The following PARVG variants were observed in gnomAD, a reference collection of about 807,000 sequenced individuals.
The protein encoded by PARVG is parvin gamma.
Under a neutral mutation model 44.4 loss-of-function variants are expected in PARVG, and 36 were observed. The observed-to-expected ratio is 0.81, with a 90% CI of 0.62 to 1.07. The LOEUF (loss-of-function observed/expected upper bound fraction) is 1.07, where lower values mean the gene tolerates loss of function less well. Ranked by LOEUF, PARVG falls within the 50% of genes least tolerant of loss-of-function variation. PARVG has a pLI of 0.00. For synonymous variants in PARVG, 170 were observed against 174.1 expected (o/e 0.98, Z 0.19); for missense variants, 407 against 407.4 (o/e 1.00, Z 0.01).
intron 4 of PARVG, 100 bp downstream of exon 4, chr22:44,185,972 G>A (rs757981412): frequency 7.4e-6 from 9 of 1,219,144 alleles, no homozygotes; most frequent in Admixed American, 2.2e-5. Flanking sequence ...CCACTCCTTG[G>A]CCTCAGGCTG....
At chr22:44,199,282 C>G (rs1429382446) in intron 12 of PARVG, among the ~76,000 whole-genome samples, 1 of 152,078 alleles carries the variant, frequency 6.6e-6, no homozygotes, top group African/African-American at 2.4e-5. Flanking sequence ...TCTGTCCATC[C>G]ATTCATTCAT....
rs749174043 is a variant in PARVG, at chr22:44,190,565, G to T, written c.403G>T (p.Asp135Tyr). The change falls in exon 7 of 14, where the codon GAC becomes TAC. Residue 135 changes from aspartate to tyrosine, a missense_variant. Coordinates refer to ENST00000444313, the MANE Select transcript of PARVG (RefSeq NM_022141.7). ...KWSVESIFNK[D>Y]LLSTLHLLVA... is the part of the protein sequence containing the mutation. ...TCTCTTCCCAGGCATCTTCAACAAG[G>T]ACCTGTTGTCTACCCTGCACCTCCT... 1.2e-6 allele frequency: 2 copies of T among 1,613,970 alleles called. No homozygotes were observed. Among genetic ancestry groups the T allele is most frequent in the East Asian group, 4.5e-5 (2 of 44,888 alleles).
chr22:44,200,610 G>A (rs1014026576), intron 12 of PARVG, among the ~76,000 whole-genome samples: 6 of 152,206 alleles, frequency 3.9e-5, no homozygotes, highest in East Asian at 3.9e-4. Flanking sequence ...CAGGGTTCCC[G>A]TGGCCTGGGG....
At chr22:44,192,011 C>G in intron 7 of PARVG, 38 bp from the exon 8 acceptor site, 1 of 1,610,416 alleles carries the variant, frequency 6.2e-7, no homozygotes, top group Non-Finnish European at 8.5e-7. Flanking sequence ...CCAGAGTTTT[C>G]TGGATTATTT....
At chr22:44,198,752 T>G in intron 12 of PARVG, 30 bp downstream of exon 12, 1 of 1,524,462 alleles carries the variant, frequency 6.6e-7, no homozygotes, top group South Asian at 1.1e-5. Flanking sequence ...TTCTTTATGG[T>G]CTACCTCTAG....
upstream of PARVG, among the ~76,000 whole-genome samples, chr22:44,179,785 C>T (rs1336020483): frequency 1.3e-5 from 2 of 152,182 alleles, no homozygotes; most frequent in African/African-American, 4.8e-5. The surrounding 1 kb of genome is among the most constrained non-coding windows in gnomAD (Gnocchi z 4.2). Flanking sequence ...TGATTAGAGT[C>T]TCTTCAGTTG....
chr22:44,196,415 G>C lies in PARVG; in HGVS notation c.711G>C (p.Gln237His). 6.2e-7 allele frequency: 1 copy of C among 1,614,172 alleles called. No homozygotes were observed. The highest frequency in any genetic ancestry group is 8.5e-7 in the Non-Finnish European group (1 of 1,180,040). ...LGLSVQNLDT[Q>H]FADGVILLLL... ...TGTCTGTGCAGAATCTGGACACCCAGGTAGGGACTGAGCTGCGGCGTCCCC... is the reference window on the plus strand; with the variant it reads ...TGTCTGTGCAGAATCTGGACACCCACGTAGGGACTGAGCTGCGGCGTCCCC... Residue 237 changes from glutamine (Q) to histidine (H), a missense_variant and splice_region_variant, in exon 11 of 14, where the codon CAG (glutamine) becomes CAC (histidine). By Grantham distance (24) the Gln-to-His change is conservative. Transcript: ENST00000444313.
chr22:44,191,388 A>ATTTTTTTTTTTTTTTTTTTTTTTT, intron 7 of PARVG, among the ~76,000 whole-genome samples: 1 of 63,470 alleles, frequency 1.6e-5, no homozygotes, highest in Non-Finnish European at 2.8e-5. Context: ...AGTCATTTCT[A>ATTTTTTTTTTTTTTTTTTTTTTTT]TTTTTTTTTT....
intron 6 of PARVG, 38 bp from the exon 7 acceptor site, chr22:44,190,513 G>A: frequency 6.5e-7 from 1 of 1,534,864 alleles, no homozygotes; most frequent in Non-Finnish European, 9.0e-7. Flanking sequence ...CGTTTTGGCG[G>A]CCTCCTGGGC....
Position 44,196,378 on chromosome 22 carries a change from AC to A in PARVG, c.676del (p.Arg226AlafsTer22). On this transcript the variant is annotated frameshift_variant, in exon 11 of 14. Coordinates refer to ENST00000444313, the MANE Select transcript of PARVG (RefSeq NM_022141.7). LOFTEE classifies it high-confidence loss of function. The stretch of plus-strand genomic sequence containing the variant: ...GTGAACTTTGTCAACCAGAAGCTGG[AC>A]CGCCTGGGCCTGTCTGTGCAGAATC... ...AIVNFVNQKL[D>X]RLGLSVQNLD... is the part of the protein sequence containing the mutation. 1 of 1,614,156 alleles carries A rather than the reference AC, an allele frequency of 6.2e-7. No individual in the cohort carries two copies. The highest frequency in any genetic ancestry group is 8.5e-7 in the Non-Finnish European group (1 of 1,180,018).
At chr22:44,199,969 T>G (rs900108770) in intron 12 of PARVG, among the ~76,000 whole-genome samples, 12 of 152,174 alleles carry the variant, frequency 7.9e-5, no homozygotes, top group Non-Finnish European at 1.5e-4. Flanking sequence ...TGGCTTGACC[T>G]GGGGAAGAGG....
At chr22:44,185,633 T>C (rs2054453460) in intron 3 of PARVG, 175 bp from the exon 4 acceptor site, 1 of 566,784 alleles carries the variant, frequency 1.8e-6, no homozygotes, top group Non-Finnish European at 3.2e-6. Flanking sequence ...AATGCTGCAG[T>C]GTCTGAGGAT....
chr22:44,181,346 G>A, intron 1 of PARVG, 161 bp downstream of exon 1: 1 of 985,492 alleles, frequency 1.0e-6, no homozygotes. Flanking sequence ...AGGGGGCGTG[G>A]GGAAGTCTGC....
At chr22:44,190,053 T>C (rs530891448) in intron 6 of PARVG, among the ~76,000 whole-genome samples, 76 of 152,304 alleles carry the variant, frequency 5.0e-4, no homozygotes, top group African/African-American at 1.8e-3. Flanking sequence ...AAACTGAGGC[T>C]GAAAGAAATT....
chr22:44,201,441 G>A (rs1216239849), intron 12 of PARVG, among the ~76,000 whole-genome samples: 5 of 152,136 alleles, frequency 3.3e-5, no homozygotes, highest in Middle Eastern at 3.4e-3. Context: ...TCGCCCCCAC[G>A]GGGATGCATC....
At position 44,198,732 on chromosome 22, in the gene PARVG, C is replaced by T. The variant is rs758609715; in HGVS notation, c.813+10C>T. ...CTCTCCTGCAGAAATGGTAAGTTTT[C>T]CAAGGATTTTTCTTTATGGTCTACC... On this transcript the variant is annotated intron_variant, in intron 12 of 13. Coordinates refer to ENST00000444313, the MANE Select transcript of PARVG (RefSeq NM_022141.7). 6.3e-7 allele frequency: 1 copy of T among 1,592,276 alleles called. No homozygotes were observed. The highest frequency in any genetic ancestry group is 1.1e-5 in the South Asian group (1 of 90,674).
chr22:44,183,477 C>A, intron 3 of PARVG, 69 bp downstream of exon 3: 1 of 1,417,630 alleles, frequency 7.1e-7, no homozygotes, highest in Non-Finnish European at 9.4e-7. Flanking sequence ...CTGGCCATGC[C>A]TGGGACTTGC....
upstream of PARVG, among the ~76,000 whole-genome samples, chr22:44,176,481 C>T (rs953774317): frequency 6.6e-6 from 1 of 152,060 alleles, no homozygotes. Context: ...GCCAACTGTA[C>T]TCAAGGAATG....
chr22:44,175,548 C>A (rs1365843189), intron 1 of PARVG, among the ~76,000 whole-genome samples: 1 of 152,238 alleles, frequency 6.6e-6, no homozygotes, highest in Non-Finnish European at 1.5e-5. Context: ...AATACACCAT[C>A]ATCATCTTCA....
Sources: allele counts gnomAD v4.1 joint callset (sites outside exome capture counted in the v4.1 genomes callset), GRCh38; gene constraint gnomAD v4.1.1; non-coding constraint Gnocchi (gnomAD v3.1); transcripts MANE v1.5; gene names NCBI Gene and HGNC (gene_info 2026-07-23, HGNC 2026-07-21).